Variants in KCNG2 observed in about 807,000 individuals in gnomAD.
KCNG2 encodes potassium voltage-gated channel modifier subfamily G member 2, also known as voltage-gated potassium channel regulatory subunit KCNG2.
Under a neutral mutation model 12.3 loss-of-function variants are expected in KCNG2, and 7 were observed. The ratio of observed to expected loss-of-function variants is 0.57; its 90% CI spans 0.32 to 1.07. The LOEUF (loss-of-function observed/expected upper bound fraction) is 1.07. Ranked by LOEUF, KCNG2 falls within the 50% of genes least tolerant of loss-of-function variation. The pLI is 0.04. For missense variants in KCNG2, 703 were observed against 726.0 expected, an observed-to-expected ratio of 0.97 and a Z score of 0.36; for synonymous variants, 414 against 351.4, an observed-to-expected ratio of 1.18 and a Z score of -1.99.
At chr18:79,809,403 A>T (rs35045460) in intron 1 of KCNG2, among the ~76,000 whole-genome samples, 16 of 67,272 alleles carry the variant, frequency 2.4e-4, no homozygotes, top group African/African-American at 9.0e-4. Flanking sequence ...GCTGCCGGGG[A>T]CACACTGACC....
chr18:79,798,122 G>A (rs1270922489), intron 1 of KCNG2, among the ~76,000 whole-genome samples, 108 bp downstream of exon 1: 2 of 151,576 alleles, frequency 1.3e-5, no homozygotes, highest in Non-Finnish European at 2.9e-5. Flanking sequence ...TGATGGTTCC[G>A]CGCGCAGCTT....
intron 1 of KCNG2, among the ~76,000 whole-genome samples, chr18:79,828,882 A>G (rs111164331): frequency 6.7e-5 from 8 of 118,830 alleles, no homozygotes; most frequent in Admixed American, 8.9e-5. Flanking sequence ...GTGTGCGTGT[A>G]TGTAACATGT....
At chr18:79,870,307 T>C (rs4074408) in intron 3 of KCNG2, among the ~76,000 whole-genome samples, 139,804 of 152,278 alleles carry the variant, frequency 0.92, 65,416 homozygotes, top group East Asian at 1. Flanking sequence ...TCTCTGACAG[T>C]GACAGGGCTT....
chr18:79,830,257 C>T (rs935938376), intron 1 of KCNG2, among the ~76,000 whole-genome samples: 1 of 152,140 alleles, frequency 6.6e-6, no homozygotes, highest in Admixed American at 6.5e-5. Context: ...GAAAGCAGAA[C>T]GTGACGTGTT....
chr18:79,827,109 G>A (rs998018754), intron 1 of KCNG2, among the ~76,000 whole-genome samples: 21 of 152,336 alleles, frequency 1.4e-4, no homozygotes, highest in African/African-American at 4.6e-4. Context: ...CTATGGGGTG[G>A]TGACAGCCTC....
intron 1 of KCNG2, among the ~76,000 whole-genome samples, chr18:79,840,245 A>T (rs1439452988): frequency 1.3e-5 from 2 of 152,212 alleles, no homozygotes; most frequent in African/African-American, 4.8e-5. Flanking sequence ...GCCAAAAAAA[A>T]CTCTTAGAAC....
chr18:79,862,276 GTGGTT>G (rs1333317601), intron 2 of KCNG2, among the ~76,000 whole-genome samples: 5 of 152,212 alleles, frequency 3.3e-5, no homozygotes, highest in Non-Finnish European at 7.3e-5. Flanking sequence ...TGTAGCTACT[GTGGTT>G]TGTTGAGTAA....
chr18:79,873,852 G>A (rs1176756469), intron 3 of KCNG2, among the ~76,000 whole-genome samples: 4 of 152,230 alleles, frequency 2.6e-5, no homozygotes, highest in South Asian at 2.1e-4. Flanking sequence ...CAGCAGCTGC[G>A]GTGTCCAGGT....
At chr18:79,887,857 AC>A (rs969015422) in intron 3 of KCNG2, among the ~76,000 whole-genome samples, 1 of 152,106 alleles carries the variant, frequency 6.6e-6, no homozygotes, top group African/African-American at 2.4e-5. Flanking sequence ...GCAGCAGCCC[AC>A]CCGCCTTGAA....
rs560335178 is a variant in KCNG2, at chr18:79,897,317, T to A, written c.625-1723T>A. ...CTGTCAAACTCTTCATGTTTACTAA[T>A]TCTTTTCTCTGCCAGTTAAAATCTA... On this transcript the variant is annotated intron_variant, in intron 3 of 3. Transcript: ENST00000316249. 5.9e-5 allele frequency among the ~76,000 whole-genome samples: 9 copies of A among 152,326 alleles called. No homozygotes were observed. In the East Asian group the frequency reaches 1.7e-3, roughly 29 times the overall value.
At chr18:79,887,597 G>A (rs951031740) in intron 3 of KCNG2, among the ~76,000 whole-genome samples, 4 of 152,178 alleles carry the variant, frequency 2.6e-5, no homozygotes, top group Admixed American at 6.5e-5. Flanking sequence ...TTTCAAACCC[G>A]CATCCAGCTT....
chr18:79,872,226 T>C, intron 3 of KCNG2, among the ~76,000 whole-genome samples: 1 of 84,688 alleles, frequency 1.2e-5, no homozygotes. Context: ...CACTTTAGTC[T>C]GGCAAAAAAA....
rs577504562 is a variant in KCNG2, at chr18:79,828,358, G to A, written c.-114-28021G>A. ...CCTGTGTCAGTGTGTGCATGAGTCT[G>A]TGTGTGCAGGTGTGTGTGTGTCTTA... On this transcript the variant is annotated intron_variant, in intron 1 of 3. Coordinates refer to ENST00000316249, the MANE Select transcript of KCNG2 (RefSeq NM_012283.2). 6.6e-5 allele frequency among the ~76,000 whole-genome samples: 10 copies of A among 152,348 alleles called. No homozygotes were observed. The East Asian group carries it at 1.5e-3, about 23-fold the overall frequency.
At chr18:79,832,818 A>C (rs1978303590) in intron 1 of KCNG2, among the ~76,000 whole-genome samples, 1 of 152,176 alleles carries the variant, frequency 6.6e-6, no homozygotes, top group Non-Finnish European at 1.5e-5. Context: ...GTGTTCTCAG[A>C]AGTAGATACA....
rs1568269723 is a variant in KCNG2, at chr18:79,882,776, CACCT to C, written c.625-16263_625-16260del. Among the ~76,000 whole-genome samples, 662 of 145,114 alleles carry C rather than the reference CACCT, an allele frequency of 4.6e-3. 16 individuals are homozygous for C. The highest frequency in any genetic ancestry group is 0.011 in the Middle Eastern group (3 of 276). The stretch of plus-strand genomic sequence containing the variant: ...TGCCGTGGAGCGCGGAGGCCGGGTA[CACCT>C]GCGCGTGGAGCGCGGAGGCCGGGTA... On this transcript the variant is annotated intron_variant, in intron 3 of 3. Coordinates refer to ENST00000316249, the MANE Select transcript of KCNG2 (RefSeq NM_012283.2).
intron 1 of KCNG2, among the ~76,000 whole-genome samples, chr18:79,854,658 T>C (rs1490320586): frequency 6.6e-6 from 1 of 151,924 alleles, no homozygotes; most frequent in Non-Finnish European, 1.5e-5. Flanking sequence ...CCCGAGTAGC[T>C]GGGACTACAG....
At chr18:79,840,005 T>G (rs1397724821) in intron 1 of KCNG2, among the ~76,000 whole-genome samples, 2 of 152,242 alleles carry the variant, frequency 1.3e-5, no homozygotes, top group Non-Finnish European at 2.9e-5. Flanking sequence ...AAACCTTAGC[T>G]GACATACACT....
At chr18:79,842,446 G>A (rs1978489567) in intron 1 of KCNG2, among the ~76,000 whole-genome samples, 1 of 152,150 alleles carries the variant, frequency 6.6e-6, no homozygotes, top group Non-Finnish European at 1.5e-5. Flanking sequence ...AGGGCACAAG[G>A]ATCATGAATA....
intron 3 of KCNG2, among the ~76,000 whole-genome samples, chr18:79,868,543 T>G (rs1449392945): frequency 6.6e-6 from 1 of 152,208 alleles, no homozygotes; most frequent in African/African-American, 2.4e-5. Flanking sequence ...TGGTTCTCAC[T>G]CCTGTCCTAA....
Sources: allele counts gnomAD v4.1 joint callset (sites outside exome capture counted in the v4.1 genomes callset), GRCh38; gene constraint gnomAD v4.1.1; transcripts MANE v1.5; gene names NCBI Gene and HGNC (gene_info 2026-07-23, HGNC 2026-07-21).